The following RFTN1 variants were observed in gnomAD, a reference collection of about 807,000 sequenced individuals.
The protein encoded by RFTN1 is raftlin.
In RFTN1, 26 loss-of-function variants were observed where a neutral mutation model predicts 46.5. The observed-to-expected ratio is 0.56, with a 90% confidence interval of 0.41 to 0.78. The LOEUF (loss-of-function observed/expected upper bound fraction) is 0.78, where lower values mean the gene tolerates loss of function less well. Ranked by LOEUF, RFTN1 falls within the 30% of genes least tolerant of loss-of-function variation. RFTN1 has a pLI of 0.00. For missense variants in RFTN1, 693 were observed against 718.7 expected (o/e 0.96, Z 0.41); for synonymous variants, 261 against 284.2 (o/e 0.92, Z 0.82).
chr3:16,438,782 C>T (rs559480423), intron 2 of RFTN1, among the ~76,000 whole-genome samples: 19 of 152,000 alleles, frequency 1.3e-4, no homozygotes, highest in African/African-American at 4.6e-4. Flanking sequence ...ATCTACAGAA[C>T]ACAAAACAAT....
rs918081644 is a variant in RFTN1 at position 16,427,348 on chromosome 3, C to T, written c.332+6503G>A. ...TGCAAGCCCTGTCTTAGAATAAAGA[C>T]AGAGTCTTCAGAATTTTAGATTCTG... On this transcript the variant is annotated intron_variant, in intron 3 of 9. Coordinates refer to ENST00000334133, the MANE Select transcript of RFTN1 (RefSeq NM_015150.2). This position sits in a 1 kb window ranked among gnomAD's most constrained non-coding sequence, Gnocchi z 5.4. 5.3e-5 allele frequency among the ~76,000 whole-genome samples: 8 copies of T among 152,196 alleles called. No individual in the cohort carries two copies. Among genetic ancestry groups the T allele is most frequent in the African/African-American group, 1.9e-4 (8 of 41,446 alleles).
rs2074129877 is a variant in RFTN1 at position 16,385,250 on chromosome 3, CA to C, written c.442-7149del. Among the ~76,000 whole-genome samples, 1 of 152,204 alleles carries C rather than the reference CA, an allele frequency of 6.6e-6. No individual in the cohort carries two copies. Among genetic ancestry groups the C allele is most frequent in the African/African-American group, 2.4e-5 (1 of 41,456 alleles). On this transcript the variant is annotated intron_variant, in intron 4 of 9. Coordinates refer to ENST00000334133, the MANE Select transcript of RFTN1 (RefSeq NM_015150.2). This position sits in a 1 kb window ranked among gnomAD's most constrained non-coding sequence, Gnocchi z 5.0. ...CCATCTTGTCACCTACACTCTTGTA[CA>C]GCTTTCTGAAAAGGGAGGCTCAAAA...
rs905197400 is a variant in RFTN1, at chr3:16,327,482, G to A, written c.1147-606C>T. Among the ~76,000 whole-genome samples the A allele has an allele frequency of 7.2e-5, 11 of 151,918 alleles. No individual in the cohort carries two copies. The highest frequency in any genetic ancestry group is 1.9e-4 in the East Asian group (1 of 5,166). On this transcript the variant is annotated intron_variant, in intron 7 of 9. Coordinates refer to ENST00000334133, the MANE Select transcript of RFTN1 (RefSeq NM_015150.2). This position sits in a 1 kb window ranked among gnomAD's most constrained non-coding sequence, Gnocchi z 4.2. ...TCAGTTAAAAAACTCAGCCCCGGCC[G>A]GGTGCTGTGGCTCACGTCTGTAATC... is the stretch of plus-strand genomic sequence containing the variant.
At chr3:16,330,996 A>G (rs2070251049) in intron 7 of RFTN1, among the ~76,000 whole-genome samples, 1 of 152,236 alleles carries the variant, frequency 6.6e-6, no homozygotes, top group Admixed American at 6.5e-5. Flanking sequence ...GGAGTTTGAA[A>G]GAAAATATTT....
At chr3:16,439,021 T>C (rs2075571197) in intron 2 of RFTN1, among the ~76,000 whole-genome samples, 1 of 152,226 alleles carries the variant, frequency 6.6e-6, no homozygotes, top group African/African-American at 2.4e-5. Flanking sequence ...AATCTAAAGA[T>C]GTATCTCCTG....
chr3:16,319,243 C>T (rs2068775130), intron 9 of RFTN1, among the ~76,000 whole-genome samples: 2 of 152,058 alleles, frequency 1.3e-5, no homozygotes, highest in Non-Finnish European at 1.5e-5. Context: ...TATAGTACTC[C>T]GAGAGGCAGT....
At chr3:16,497,486 G>C (rs538640524) in intron 1 of RFTN1, among the ~76,000 whole-genome samples, 1 of 152,156 alleles carries the variant, frequency 6.6e-6, no homozygotes, top group Non-Finnish European at 1.5e-5. Flanking sequence ...AATGGGTAGC[G>C]GCAGGTTCTC....
chr3:16,496,901 T>C (rs183815306), intron 1 of RFTN1, among the ~76,000 whole-genome samples: 231 of 152,216 alleles, frequency 1.5e-3, no homozygotes, highest in Non-Finnish European at 1.8e-3. Flanking sequence ...AACGAAAACA[T>C]GGAACCTAGG....
intron 4 of RFTN1, among the ~76,000 whole-genome samples, chr3:16,399,533 C>T (rs2074553089): frequency 6.6e-6 from 1 of 152,186 alleles, no homozygotes; most frequent in African/African-American, 2.4e-5. Context: ...GGCCTCCATC[C>T]CCCACACTCA....
rs2074246572 is a variant in RFTN1, at chr3:16,387,980, A to T, written c.442-9878T>A. On this transcript the variant is annotated intron_variant, in intron 4 of 9. Coordinates refer to ENST00000334133, the MANE Select transcript of RFTN1 (RefSeq NM_015150.2). The surrounding 1 kb of genome is among the most constrained non-coding windows in gnomAD (Gnocchi z 5.2). ...CAGCCCTCACAGCAGCCAGGCTGGT[A>T]TCTGAAAGATGTGAGCCAGTTAAGG... Among the ~76,000 whole-genome samples the T allele has an allele frequency of 6.6e-6, 1 of 152,164 alleles. No individual in the cohort carries two copies.
chr3:16,508,104 C>T (rs138082989), intron 1 of RFTN1, among the ~76,000 whole-genome samples: 33 of 152,290 alleles, frequency 2.2e-4, no homozygotes, highest in Middle Eastern at 3.4e-3. Context: ...TGTTGATTTC[C>T]CACTTCTGGC....
rs1202738754 is a variant in RFTN1 at position 16,488,166 on chromosome 3, G to A, written c.145+5559C>T. ...TGCCCAGGCTGGAGTGCAATGGTGC[G>A]ATCTCAGCTCACCGCAACCTCTACC... On this transcript the variant is annotated intron_variant, in intron 2 of 9. Coordinates refer to ENST00000334133, the MANE Select transcript of RFTN1 (RefSeq NM_015150.2). Among the ~76,000 whole-genome samples, 6 of 149,476 alleles carry A rather than the reference G, an allele frequency of 4.0e-5. No individual in the cohort carries two copies. In the South Asian group the frequency reaches 6.3e-4, roughly 16 times the overall value.
At position 16,442,128 on chromosome 3, in the gene RFTN1, A is replaced by G. The variant is rs1239277283; in HGVS notation, c.146-8091T>C. ...AAACAAACTCATGTATCTGAAACTT[A>G]AAAAACAAAACAAAACAAAACAAAA... is the stretch of plus-strand genomic sequence containing the variant. On this transcript the variant is annotated intron_variant, in intron 2 of 9. Transcript: ENST00000334133. The surrounding 1 kb of genome is among the most constrained non-coding windows in gnomAD (Gnocchi z 4.1). 6.6e-6 allele frequency among the ~76,000 whole-genome samples: 1 copy of G among 152,248 alleles called. No individual in the cohort carries two copies. Among genetic ancestry groups the G allele is most frequent in the Non-Finnish European group, 1.5e-5 (1 of 68,004 alleles).
chr3:16,388,730 A>C (rs1203184047), intron 4 of RFTN1, among the ~76,000 whole-genome samples: 3 of 152,216 alleles, frequency 2.0e-5, no homozygotes, highest in African/African-American at 4.8e-5. Context: ...CTTCTTATCA[A>C]GGTAAAAAAT....
chr3:16,320,436 C>T lies in RFTN1; in HGVS notation c.1332+2940G>A, dbSNP rs928292164. Reference sequence around the variant, plus strand: ...TGTGTCCTCGCTAAGAAGCTGATTACTCATTCATTGATTCGACAAGTATCT... The same window carrying T: ...TGTGTCCTCGCTAAGAAGCTGATTATTCATTCATTGATTCGACAAGTATCT... On this transcript the variant is annotated intron_variant, in intron 9 of 9. Transcript: ENST00000334133. The surrounding 1 kb of genome is among the most constrained non-coding windows in gnomAD (Gnocchi z 4.5). Among the ~76,000 whole-genome samples the T allele has an allele frequency of 2.0e-5, 3 of 152,230 alleles. No homozygotes were observed. The highest frequency in any genetic ancestry group is 4.4e-5 in the Non-Finnish European group (3 of 68,044).
At chr3:16,416,530 G>A (rs945508000) in intron 3 of RFTN1, among the ~76,000 whole-genome samples, 3 of 152,166 alleles carry the variant, frequency 2.0e-5, no homozygotes, top group African/African-American at 7.2e-5. Flanking sequence ...AGATATTAAT[G>A]GTGGTGGGAA....
intron 1 of RFTN1, among the ~76,000 whole-genome samples, chr3:16,511,252 T>G (rs28491048): frequency 0.014 from 2,118 of 152,322 alleles, 45 homozygotes; most frequent in African/African-American, 0.047. Context: ...GTACTTTCCA[T>G]CTTTGCACAT....
Position 16,421,346 on chromosome 3 carries a change from G to GT in RFTN1, c.333-11864dup, listed in dbSNP as rs60055519. On this transcript the variant is annotated intron_variant, in intron 3 of 9. Coordinates refer to ENST00000334133, the MANE Select transcript of RFTN1 (RefSeq NM_015150.2). This position sits in a 1 kb window ranked among gnomAD's most constrained non-coding sequence, Gnocchi z 4.6. ...TGAACAGGTAGGCATTGGTATTGGT[G>GT]TTTTTTTTTTTTCTTTTCTTTTTGA... Among the ~76,000 whole-genome samples the GT allele has an allele frequency of 6.7e-3, 972 of 145,686 alleles. 8 individuals are homozygous for GT. The highest frequency in any genetic ancestry group is 0.018 in the African/African-American group (729 of 39,776).
chr3:16,423,343 T>C (rs2075227945), intron 3 of RFTN1, among the ~76,000 whole-genome samples: 1 of 152,120 alleles, frequency 6.6e-6, no homozygotes, highest in Admixed American at 6.5e-5. Context: ...GTCTACTAAA[T>C]ATCCTACAAT....
Sources: gnomAD v4.1 joint callset for allele counts (sites outside exome capture counted in the v4.1 genomes callset) on GRCh38, gnomAD v4.1.1 for gene constraint, Gnocchi (gnomAD v3.1) non-coding constraint, MANE v1.5 for transcripts, NCBI Gene and HGNC (gene_info 2026-07-23, HGNC 2026-07-21) for gene names.